The following DNAH11 variants were observed in gnomAD, a reference collection of about 807,000 sequenced individuals.
DNAH11 encodes dynein axonemal heavy chain 11.
DNAH11 carries 442 observed loss-of-function variants against 526.0 expected under a neutral mutation model. The observed-to-expected ratio is 0.84, with a 90% CI of 0.78 to 0.91. The LOEUF is 0.91. Ranked by LOEUF, DNAH11 falls within the 40% of genes least tolerant of loss-of-function variation. The probability of loss-of-function intolerance (pLI) is 0.00; values close to 1 mark genes in which losing one functional copy is unlikely to be tolerated. For synonymous variants in DNAH11, 2,461 were observed against 1,935.9 expected, an observed-to-expected ratio of 1.27 and a Z score of -7.12; for missense variants, 6,989 against 5,448.7, an observed-to-expected ratio of 1.28 and a Z score of -8.90.
chr7:21,599,608 C>G (rs1029804584), intron 14 of DNAH11, among the ~76,000 whole-genome samples, 179 bp from the exon 15 acceptor site: 2 of 152,204 alleles, frequency 1.3e-5, no homozygotes, highest in Admixed American at 6.5e-5. Context: ...ACTTAATGTT[C>G]TAAATTCCTG....
chr7:21,556,610 G>C (rs768651272), intron 2 of DNAH11, among the ~76,000 whole-genome samples: 2 of 152,152 alleles, frequency 1.3e-5, no homozygotes, highest in African/African-American at 2.4e-5. Flanking sequence ...GGTATACAGA[G>C]AGTTTGTTAC....
At chr7:21,597,236 G>A (rs1784894795) in intron 14 of DNAH11, among the ~76,000 whole-genome samples, 2 of 152,170 alleles carry the variant, frequency 1.3e-5, no homozygotes, top group Admixed American at 1.3e-4. Context: ...TGTGACTGTA[G>A]TGAGGTAAAC....
chr7:21,767,652 G>C (rs1300234876), intron 55 of DNAH11, among the ~76,000 whole-genome samples: 1 of 152,182 alleles, frequency 6.6e-6, no homozygotes, highest in African/African-American at 2.4e-5. Context: ...TTTCATTTCA[G>C]TGCAAGCTGC....
chr7:21,687,876 G>A (rs184545589), intron 34 of DNAH11, among the ~76,000 whole-genome samples: 10 of 152,198 alleles, frequency 6.6e-5, no homozygotes, highest in African/African-American at 2.4e-4. Context: ...GCAATATAGC[G>A]AGACCTGGTG....
chr7:21,784,569 T>A (rs1452717362), intron 58 of DNAH11, 29 bp downstream of exon 58: 1 of 1,499,468 alleles, frequency 6.7e-7, no homozygotes, highest in East Asian at 2.3e-5. Context: ...TCCCTGAGTT[T>A]CCTCAAAGTA....
intron 4 of DNAH11, among the ~76,000 whole-genome samples, chr7:21,560,822 C>G (rs1206317958): frequency 6.6e-6 from 1 of 152,100 alleles, no homozygotes; most frequent in African/African-American, 2.4e-5. Flanking sequence ...CAAGTTGACA[C>G]TCAATTATAA....
Position 21,741,990 on chromosome 7 carries a change from C to A in DNAH11, c.7978C>A (p.Gln2660Lys). 1 of 1,613,908 alleles carries A rather than the reference C, an allele frequency of 6.2e-7. No individual in the cohort carries two copies. The highest frequency in any genetic ancestry group is 8.5e-7 in the Non-Finnish European group (1 of 1,179,866). ...SLDALNTIYG[Q>K]IFSFHFQQQA... The stretch of plus-strand genomic sequence containing the variant: ...GGATGCACTAAACACCATCTATGGC[C>A]AAATCTTTAGCTTCCATTTCCAACA... Residue 2660 changes from glutamine to lysine, a missense_variant, in exon 49 of 82, where the codon CAA (glutamine) becomes AAA (lysine). By Grantham distance (53) the Gln-to-Lys change is moderately conservative. Transcript: ENST00000409508.
At chr7:21,744,365 A>G in intron 49 of DNAH11, 73 bp from the exon 50 acceptor site, 1 of 1,502,056 alleles carries the variant, frequency 6.7e-7, no homozygotes, top group Non-Finnish European at 9.1e-7. Context: ...ATTTTAGTTT[A>G]AAAAGTGTTA....
At chr7:21,846,365 T>C (rs950643887) in intron 66 of DNAH11, among the ~76,000 whole-genome samples, 1 of 152,224 alleles carries the variant, frequency 6.6e-6, no homozygotes, top group African/African-American at 2.4e-5. Flanking sequence ...TCTCTTCTTT[T>C]AGATCTTCTT....
intron 66 of DNAH11, among the ~76,000 whole-genome samples, chr7:21,849,861 A>C (rs1000781518): frequency 1.3e-5 from 2 of 152,104 alleles, no homozygotes; most frequent in African/African-American, 2.4e-5. Context: ...ATCTTTCATT[A>C]ATTTTGAAGA....
chr7:21,649,826 C>A (rs1787545947), intron 28 of DNAH11, among the ~76,000 whole-genome samples: 1 of 151,940 alleles, frequency 6.6e-6, no homozygotes. Context: ...CCACCGTGGC[C>A]AGCTAATTTT....
intron 6 of DNAH11, 42 bp downstream of exon 6, chr7:21,564,439 G>A: frequency 6.7e-7 from 1 of 1,493,920 alleles, no homozygotes; most frequent in Non-Finnish European, 9.2e-7. Flanking sequence ...AATTGTTGCT[G>A]TGAGGTAGGT....
chr7:21,642,463 T>TGCCA (rs1174405177), intron 28 of DNAH11, among the ~76,000 whole-genome samples: 2 of 152,156 alleles, frequency 1.3e-5, no homozygotes, highest in African/African-American at 2.4e-5. Context: ...CCAGATAGTG[T>TGCCA]GATCTTGCCA....
At chr7:21,632,022 A>C (rs916529123) in intron 25 of DNAH11, among the ~76,000 whole-genome samples, 13 of 152,290 alleles carry the variant, frequency 8.5e-5, no homozygotes, top group African/African-American at 3.1e-4. Context: ...ATCTAGGTAG[A>C]GGTTTCCACA....
chr7:21,874,368 T>C (rs1302899219), intron 74 of DNAH11, among the ~76,000 whole-genome samples: 3 of 151,464 alleles, frequency 2.0e-5, no homozygotes, highest in African/African-American at 7.3e-5. Context: ...AGAGTTTTGC[T>C]CTTGTCGCCC....
At chr7:21,701,241 C>G (rs1303830480) in intron 36 of DNAH11, among the ~76,000 whole-genome samples, 1 of 151,736 alleles carries the variant, frequency 6.6e-6, no homozygotes, top group East Asian at 1.9e-4. Flanking sequence ...TGACTCAGTG[C>G]ATACACACAT....
intron 51 of DNAH11, among the ~76,000 whole-genome samples, 156 bp from the exon 52 acceptor site, chr7:21,748,424 G>A (rs1786250342): frequency 6.6e-6 from 1 of 152,208 alleles, no homozygotes; most frequent in Admixed American, 6.5e-5. Flanking sequence ...GGGAGGCGGA[G>A]GCTGCAATGA....
At chr7:21,749,329 A>G (rs1786298576) in intron 52 of DNAH11, among the ~76,000 whole-genome samples, 1 of 152,218 alleles carries the variant, frequency 6.6e-6, no homozygotes, top group Admixed American at 6.5e-5. Context: ...AAAAAATAGG[A>G]CAGTTGTTAA....
intron 54 of DNAH11, among the ~76,000 whole-genome samples, chr7:21,763,316 T>C (rs2390556): frequency 0.93 from 127,570 of 137,618 alleles, 59,181 homozygotes; most frequent in African/African-American, 0.95. Flanking sequence ...CACTCCAGCC[T>C]GGGCAACAGA....
Sources: gnomAD v4.1 joint callset for allele counts (sites outside exome capture counted in the v4.1 genomes callset) on GRCh38, gnomAD v4.1.1 for gene constraint, MANE v1.5 for transcripts, NCBI Gene and HGNC (gene_info 2026-07-23, HGNC 2026-07-21) for gene names.